Variants in DGKB observed in about 807,000 individuals in gnomAD.
The protein encoded by DGKB is 90 kDa diacylglycerol kinase.
DGKB carries 67 observed loss-of-function variants against 114.3 expected under a neutral mutation model. The observed-to-expected ratio is 0.59, with a 90% confidence interval of 0.48 to 0.72. The LOEUF (loss-of-function observed/expected upper bound fraction) is 0.72, where lower values mean the gene tolerates loss of function less well. Among genes scored for constraint, DGKB ranks in the 30% least tolerant of loss-of-function variants. The pLI is 0.00. For missense variants in DGKB, 907 were observed against 975.2 expected (o/e 0.93, Z 0.93); for synonymous variants, 398 against 323.1 (o/e 1.23, Z -2.49).
chr7:14,400,912 G>A (rs1823006010), intron 21 of DGKB, among the ~76,000 whole-genome samples: 1 of 151,776 alleles, frequency 6.6e-6, no homozygotes, highest in Non-Finnish European at 1.5e-5. Context: ...GGGGTCCAGA[G>A]ATTTATATTC....
chr7:14,964,905 A>AC (rs1787063973), intron 1 of DGKB, among the ~76,000 whole-genome samples: 1 of 152,164 alleles, frequency 6.6e-6, no homozygotes, highest in Admixed American at 6.6e-5. Context: ...GACAGATAGT[A>AC]CTGGATCATA....
chr7:14,812,974 A>G (rs955475394), intron 2 of DGKB, among the ~76,000 whole-genome samples: 6 of 152,174 alleles, frequency 3.9e-5, no homozygotes, highest in Non-Finnish European at 7.3e-5. Flanking sequence ...GACTTTGAGA[A>G]CACATGATCC....
intron 1 of DGKB, among the ~76,000 whole-genome samples, chr7:14,953,897 C>T (rs1031941588): frequency 6.6e-6 from 1 of 152,052 alleles, no homozygotes; most frequent in Admixed American, 6.6e-5. Flanking sequence ...TGTATGGGCC[C>T]CCAGACCTGC....
chr7:14,416,706 C>T (rs58641244), intron 21 of DGKB, among the ~76,000 whole-genome samples: 40,193 of 151,922 alleles, frequency 0.26, 5,828 homozygotes, highest in East Asian at 0.48. Flanking sequence ...CTTCCCAGCC[C>T]CGTGGAACTG....
intron 1 of DGKB, among the ~76,000 whole-genome samples, chr7:14,862,464 G>A (rs1297168943): frequency 6.6e-6 from 1 of 151,866 alleles, no homozygotes; most frequent in Non-Finnish European, 1.5e-5. Context: ...TTTATTTAGT[G>A]GTTATAACAA....
chr7:14,222,042 T>C (rs1379862479), intron 23 of DGKB, among the ~76,000 whole-genome samples: 2 of 151,340 alleles, frequency 1.3e-5, no homozygotes, highest in Non-Finnish European at 3.0e-5. Flanking sequence ...ATCTTCTCTT[T>C]TTCTTGGTCA....
intron 23 of DGKB, among the ~76,000 whole-genome samples, chr7:14,185,854 T>C (rs1298767504): frequency 6.6e-6 from 1 of 152,164 alleles, no homozygotes; most frequent in Admixed American, 6.5e-5. Context: ...TCTCACCTTA[T>C]ACAAAAATCA....
At chr7:14,860,926 A>T (rs1850887528) in intron 1 of DGKB, among the ~76,000 whole-genome samples, 1 of 152,018 alleles carries the variant, frequency 6.6e-6, no homozygotes, top group Admixed American at 6.6e-5. Context: ...TTTTCTGAGA[A>T]TTAAAGAAGA....
rs961958358 is a variant in DGKB at position 14,400,613 on chromosome 7, G to T, written c.1836-55222C>A. On this transcript the variant is annotated intron_variant, in intron 21 of 25. Transcript: ENST00000402815. The stretch of plus-strand genomic sequence containing the variant: ...CTTTTTTTTATTTCCAGTATTTAAT[G>T]GAGATCAAAACATTACCATTTCCAC... Among the ~76,000 whole-genome samples, 4 of 151,556 alleles carry T rather than the reference G, an allele frequency of 2.6e-5. No homozygotes were observed. The East Asian group carries it at 7.8e-4, about 30-fold the overall frequency.
At chr7:14,255,495 CTT>C (rs1298368712) in intron 23 of DGKB, among the ~76,000 whole-genome samples, 2 of 152,136 alleles carry the variant, frequency 1.3e-5, no homozygotes, top group Middle Eastern at 6.3e-3. Flanking sequence ...TTCTTGAAAT[CTT>C]TTCAGAGCAC....
At chr7:14,509,752 C>G (rs1787692532) in intron 20 of DGKB, among the ~76,000 whole-genome samples, 1 of 152,252 alleles carries the variant, frequency 6.6e-6, no homozygotes, top group South Asian at 2.1e-4. Flanking sequence ...AAAGCTTATT[C>G]TGTCTCTTTC....
intron 23 of DGKB, among the ~76,000 whole-genome samples, chr7:14,197,624 ATG>A (rs1267604709): frequency 6.6e-6 from 1 of 152,156 alleles, no homozygotes; most frequent in African/African-American, 2.4e-5. Flanking sequence ...TCGAATTTTA[ATG>A]TGTTTGGACT....
intron 13 of DGKB, among the ~76,000 whole-genome samples, chr7:14,647,153 A>G (rs968518657): frequency 1.3e-5 from 2 of 152,088 alleles, no homozygotes. Context: ...CATAAATACA[A>G]AGGATCATTA....
chr7:14,149,799 A>G (rs543295553), intron 25 of DGKB, among the ~76,000 whole-genome samples: 1 of 152,294 alleles, frequency 6.6e-6, no homozygotes, highest in African/African-American at 2.4e-5. Context: ...GTCAGAAATG[A>G]TGAACTAGCT....
At chr7:14,169,258 G>T (rs1187159007) in intron 25 of DGKB, among the ~76,000 whole-genome samples, 1 of 151,358 alleles carries the variant, frequency 6.6e-6, no homozygotes, top group Non-Finnish European at 1.5e-5. Flanking sequence ...CCAGCTACTC[G>T]GGAGGCTGAG....
At chr7:14,157,943 A>G (rs1230880443) in intron 25 of DGKB, among the ~76,000 whole-genome samples, 2 of 152,312 alleles carry the variant, frequency 1.3e-5, no homozygotes, top group East Asian at 3.9e-4. Context: ...TAATATTTCA[A>G]CTAAAATTTT....
intron 14 of DGKB, among the ~76,000 whole-genome samples, chr7:14,628,605 CATTTAATGT>C (rs1262478296): frequency 6.6e-6 from 1 of 152,008 alleles, no homozygotes; most frequent in East Asian, 1.9e-4. Flanking sequence ...TTAAGTTAAA[CATTTAATGT>C]ATGTATATAT....
At chr7:14,339,568 G>T (rs1445066083) in intron 22 of DGKB, among the ~76,000 whole-genome samples, 2 of 151,968 alleles carry the variant, frequency 1.3e-5, no homozygotes, top group East Asian at 3.9e-4. Context: ...TCACTTCTTA[G>T]TTTTTTGAAT....
chr7:14,216,533 C>G (rs1220177251), intron 23 of DGKB, among the ~76,000 whole-genome samples: 1 of 151,856 alleles, frequency 6.6e-6, no homozygotes, highest in African/African-American at 2.4e-5. Flanking sequence ...CGAAACCAGC[C>G]TGGCCAACAT....
Sources: allele counts gnomAD v4.1 joint callset (sites outside exome capture counted in the v4.1 genomes callset), GRCh38; gene constraint gnomAD v4.1.1; transcripts MANE v1.5; gene names NCBI Gene and HGNC (gene_info 2026-07-23, HGNC 2026-07-21).